Variants in MAGI3 observed in about 807,000 individuals in gnomAD.
MAGI3 encodes the protein membrane associated guanylate kinase, WW and PDZ domain containing 3, also known as membrane-associated guanylate kinase, WW and PDZ domain-containing protein 3.
Under a neutral mutation model 121.8 loss-of-function variants are expected in MAGI3, and 43 were observed. That is an observed-to-expected ratio of 0.35 (90% CI 0.28 to 0.46). The LOEUF is 0.46. Among genes scored for constraint, MAGI3 ranks in the 20% least tolerant of loss-of-function variants. MAGI3 has a pLI of 1.00. For synonymous variants in MAGI3, 553 were observed against 639.3 expected, an observed-to-expected ratio of 0.86 and a Z score of 2.04; for missense variants, 1,547 against 1,797.3, an observed-to-expected ratio of 0.86 and a Z score of 2.52.
chr1:113,645,022 C>CTT lies in MAGI3; in HGVS notation c.1998+1267_1998+1268dup, dbSNP rs10548467. 1.8e-3 allele frequency among the ~76,000 whole-genome samples: 186 copies of CTT among 104,332 alleles called. 1 individual carries two copies. Among genetic ancestry groups the CTT allele is most frequent in the East Asian group, 3.8e-3 (15 of 3,968 alleles). 68.4% of individuals were successfully genotyped at this position (104,332 alleles called of 152,430 possible). On this transcript the variant is annotated intron_variant, in intron 11 of 20. Transcript: ENST00000307546. The stretch of plus-strand genomic sequence containing the variant: ...TAAAAAGAATCCCTCAGCTTCTGGC[C>CTT]TTTTTTTTTTTTTTTTTTTTGAGAC...
intron 1 of MAGI3, among the ~76,000 whole-genome samples, chr1:113,494,533 T>C (rs766664843): frequency 6.6e-6 from 1 of 152,216 alleles, no homozygotes; most frequent in Non-Finnish European, 1.5e-5. Flanking sequence ...GTGAAAATGG[T>C]TATTGAAAAA....
At chr1:113,558,718 C>T (rs1660096565) in intron 2 of MAGI3, among the ~76,000 whole-genome samples, 1 of 152,064 alleles carries the variant, frequency 6.6e-6, no homozygotes. Context: ...CAGAGAACCC[C>T]AGTAAGATAC....
intron 9 of MAGI3, among the ~76,000 whole-genome samples, chr1:113,627,035 G>T (rs1440224789): frequency 6.6e-6 from 1 of 151,698 alleles, no homozygotes; most frequent in Non-Finnish European, 1.5e-5. Flanking sequence ...TTTATTTGAA[G>T]TTTTTCTTTT....
chr1:113,680,586 T>C (rs1197584626), intron 19 of MAGI3, among the ~76,000 whole-genome samples: 1 of 151,970 alleles, frequency 6.6e-6, no homozygotes, highest in African/African-American at 2.4e-5. Flanking sequence ...TGAAACCCCA[T>C]CTCTACTAAA....
At chr1:113,502,915 G>A (rs1186067817) in intron 1 of MAGI3, among the ~76,000 whole-genome samples, 6 of 42,264 alleles carry the variant, frequency 1.4e-4, no homozygotes, top group Non-Finnish European at 2.2e-4. Flanking sequence ...CATATCCTTT[G>A]TAGGGACATG....
rs71090712 is a variant in MAGI3 at position 113,611,936 on chromosome 1, CTTAT to C, written c.1019-2634_1019-2631del. Reference sequence around the variant, plus strand: ...ATCATCTCCCTCTCCCTAATCCCAACTTATTTATTTATTTATTTATTTATTTATT... The same window carrying C: ...ATCATCTCCCTCTCCCTAATCCCAACTTATTTATTTATTTATTTATTTATT... On this transcript the variant is annotated intron_variant, in intron 6 of 20. Transcript: ENST00000307546. 2.3e-3 allele frequency among the ~76,000 whole-genome samples: 316 copies of C among 138,864 alleles called. 1 individual carries two copies. The highest frequency in any genetic ancestry group is 7.9e-3 in the African/African-American group (300 of 38,216). The allele number at this position is 138,864 out of a possible 152,430, so 91.1% of individuals were successfully genotyped here.
intron 1 of MAGI3, among the ~76,000 whole-genome samples, chr1:113,518,116 T>A (rs184711194): frequency 2.0e-5 from 3 of 152,176 alleles, no homozygotes; most frequent in Admixed American, 2.0e-4. Flanking sequence ...AACACACCAC[T>A]GACATTGCTG....
chr1:113,627,298 T>A (rs1570960999), intron 9 of MAGI3, among the ~76,000 whole-genome samples: 1 of 151,980 alleles, frequency 6.6e-6, no homozygotes. Context: ...AGAAGATACT[T>A]GATATAATTT....
chr1:113,618,389 G>T lies in MAGI3; in HGVS notation c.1077-1347G>T, dbSNP rs954407444. On this transcript the variant is annotated intron_variant, in intron 7 of 20. Coordinates refer to ENST00000307546, the MANE Select transcript of MAGI3 (RefSeq NM_001142782.2). ...AAGGCAAAGTAAATGTTCAACTTGT[G>T]TGACTATTTATATGTACATTTTGTA... 1.6e-5 allele frequency: 5 copies of T among 313,148 alleles called. No homozygotes were observed. The East Asian group carries it at 3.5e-4, about 22-fold the overall frequency. The allele number at this position is 313,148 out of a possible 1,614,324, so 19.4% of individuals were successfully genotyped here. A position where few individuals can be genotyped will look rare whatever the true frequency, so the allele number is the denominator to read the frequency against.
intron 16 of MAGI3, among the ~76,000 whole-genome samples, chr1:113,663,254 A>ATATT (rs1653876833): frequency 6.6e-6 from 1 of 150,610 alleles, no homozygotes; most frequent in South Asian, 2.1e-4. Context: ...ATATATATAT[A>ATATT]TATGCATTTC....
At position 113,454,969 on chromosome 1, in the gene MAGI3, A is replaced by G. The variant is rs997251789; in HGVS notation, c.316+63620A>G. Among the ~76,000 whole-genome samples the G allele has an allele frequency of 2.4e-4, 37 of 152,218 alleles. 1 individual carries two copies. Among genetic ancestry groups the G allele is most frequent in the Admixed American group, 2.0e-3 (30 of 15,286 alleles). On this transcript the variant is annotated intron_variant, in intron 1 of 20. Transcript: ENST00000307546. ...ATTGGAGATTAGGTACAGAATAAAC[A>G]AGAAGTAGAACCAGAGAAGGCATAC...
chr1:113,420,255 C>G (rs943388929), intron 1 of MAGI3, among the ~76,000 whole-genome samples: 1 of 152,148 alleles, frequency 6.6e-6, no homozygotes, highest in Non-Finnish European at 1.5e-5. Flanking sequence ...CCTTGCCAAC[C>G]CTGAGATCAA....
intron 1 of MAGI3, among the ~76,000 whole-genome samples, chr1:113,494,046 G>T (rs575171747): frequency 6.6e-6 from 1 of 152,032 alleles, no homozygotes; most frequent in Admixed American, 6.6e-5. Flanking sequence ...TTTATAAATC[G>T]TTCTATTATA....
At chr1:113,633,296 C>G (rs74998706) in intron 9 of MAGI3, among the ~76,000 whole-genome samples, 6 of 100,038 alleles carry the variant, frequency 6.0e-5, no homozygotes, top group African/African-American at 2.5e-4. Context: ...GAGTCTCGCT[C>G]TGTCGCCCAG....
chr1:113,455,595 C>T (rs1654712704), intron 1 of MAGI3, among the ~76,000 whole-genome samples: 1 of 151,990 alleles, frequency 6.6e-6, no homozygotes, highest in African/African-American at 2.4e-5. Flanking sequence ...TGCACCAGGA[C>T]CTTTGCACGT....
rs1033304573 is a variant in MAGI3 at position 113,391,215 on chromosome 1, C to G, written c.182C>G (p.Ser61Trp). The G allele has an allele frequency of 7.1e-6, 11 of 1,555,418 alleles. No individual in the cohort carries two copies. Among genetic ancestry groups the G allele is most frequent in the Non-Finnish European group, 9.6e-6 (11 of 1,150,184 alleles). ...EPGGGTCCVVSGKAPSPGDVL... is the reference protein window; with the variant it reads ...EPGGGTCCVVWGKAPSPGDVL... ...GGCGGGGGCACCTGCTGCGTCGTCT[C>G]GGGCAAGGCGCCCAGCCCAGGCGAT... The change falls in exon 1 of 21, where the codon TCG (serine) becomes TGG (tryptophan). Residue 61 changes from serine to tryptophan, a missense_variant. Coordinates refer to ENST00000307546, the MANE Select transcript of MAGI3 (RefSeq NM_001142782.2). The surrounding 1 kb of genome is among the most constrained non-coding windows in gnomAD (Gnocchi z 4.4).
At chr1:113,657,996 G>C (rs1480786803) in intron 15 of MAGI3, among the ~76,000 whole-genome samples, 1 of 152,152 alleles carries the variant, frequency 6.6e-6, no homozygotes, top group African/African-American at 2.4e-5. Flanking sequence ...TCCTAGATAT[G>C]ATTCAGAAAT....
At chr1:113,440,571 T>G (rs1163509032) in intron 1 of MAGI3, among the ~76,000 whole-genome samples, 4 of 152,210 alleles carry the variant, frequency 2.6e-5, no homozygotes, top group Admixed American at 2.6e-4. Flanking sequence ...GCTGCTCTCC[T>G]AACTCCAGTC....
intron 1 of MAGI3, among the ~76,000 whole-genome samples, chr1:113,414,016 G>A (rs911693858): frequency 1.3e-5 from 2 of 152,098 alleles, no homozygotes; most frequent in Non-Finnish European, 2.9e-5. Context: ...CTGTGGGTTT[G>A]TCATAAATAG....
Sources: allele counts gnomAD v4.1 joint callset (sites outside exome capture counted in the v4.1 genomes callset), GRCh38; gene constraint gnomAD v4.1.1; non-coding constraint Gnocchi (gnomAD v3.1); transcripts MANE v1.5; gene names NCBI Gene and HGNC (gene_info 2026-07-23, HGNC 2026-07-21).